The following ERMP1 variants were observed in gnomAD, a reference collection of about 807,000 sequenced individuals.
ERMP1 encodes Felix-ina.
Under a neutral mutation model 92.0 loss-of-function variants are expected in ERMP1, and 86 were observed. The ratio of observed to expected loss-of-function variants is 0.93; its 90% CI spans 0.79 to 1.12. The LOEUF (loss-of-function observed/expected upper bound fraction) is 1.12. Among genes scored for constraint, ERMP1 ranks in the 50% most tolerant of loss-of-function variants. The probability of loss-of-function intolerance (pLI) is 0.00; values close to 1 mark genes in which losing one functional copy is unlikely to be tolerated. For missense variants in ERMP1, 1,342 were observed against 1,116.3 expected, an observed-to-expected ratio of 1.20 and a Z score of -2.88; for synonymous variants, 530 against 412.8, an observed-to-expected ratio of 1.28 and a Z score of -3.44.
chr9:5,805,374 T>G (rs988966499), intron 9 of ERMP1, among the ~76,000 whole-genome samples, 157 bp from the exon 10 acceptor site: 2 of 152,122 alleles, frequency 1.3e-5, no homozygotes, highest in African/African-American at 4.8e-5. Flanking sequence ...GATCTTTCAC[T>G]CAGGATAAAA....
intron 8 of ERMP1, 78 bp downstream of exon 8, chr9:5,809,933 T>A: frequency 9.8e-7 from 1 of 1,024,634 alleles, no homozygotes; most frequent in Non-Finnish European, 1.5e-6. Flanking sequence ...AAAGGCCAAA[T>A]ACAATGAATC....
At chr9:5,848,306 G>T (rs1830263900) in intron 6 of ERMP1, among the ~76,000 whole-genome samples, 1 of 152,134 alleles carries the variant, frequency 6.6e-6, no homozygotes, top group South Asian at 2.1e-4. Flanking sequence ...ACAAGATAAT[G>T]GAGGAGGTCG....
chr9:5,860,132 A>AG (rs917020229), intron 5 of ERMP1, among the ~76,000 whole-genome samples: 2 of 19,846 alleles, frequency 1.0e-4, no homozygotes, highest in African/African-American at 1.6e-4. Flanking sequence ...CCTTGTCTCT[A>AG]CCAAAAAAAA....
intron 6 of ERMP1, chr9:5,855,949 C>T (rs35915076): frequency 0.041 from 10,746 of 262,086 alleles, 304 homozygotes; most frequent in Middle Eastern, 0.12. Context: ...CTGGCAGCAA[C>T]TGCTTCGATT....
intron 4 of ERMP1, among the ~76,000 whole-genome samples, chr9:5,813,339 ATT>A (rs1460889063): frequency 6.6e-6 from 1 of 152,148 alleles, no homozygotes; most frequent in Non-Finnish European, 1.5e-5. Context: ...TATATCTTTA[ATT>A]TTCTTACTAA....
At position 5,844,908 on chromosome 9, in the gene ERMP1, A is replaced by G. The variant is rs552501333; in HGVS notation, n.3200-11596T>C. 7.2e-5 allele frequency among the ~76,000 whole-genome samples: 11 copies of G among 152,326 alleles called. 1 individual carries two copies. In the South Asian group the frequency reaches 2.3e-3, roughly 32 times the overall value. ...CTTCCCAACTGGTCTACCAAAAATT[A>G]TGGCTGCTTTGAGCATGTCAGCCTT... On this transcript the variant is annotated intron_variant and non_coding_transcript_variant, in intron 6 of 6. Transcript: ENST00000690753.
chr9:5,810,985 C>T lies in ERMP1; in HGVS notation c.1327+126G>A, dbSNP rs367840272. On this transcript the variant is annotated intron_variant, in intron 7 of 14. Coordinates refer to ENST00000339450, the MANE Select transcript of ERMP1 (RefSeq NM_024896.3). Reference sequence around the variant, plus strand: ...TAATTTAATATTTAAAAATTTCTTACAATATAAAGCAAACATTGTCTTAAG... The same window carrying T: ...TAATTTAATATTTAAAAATTTCTTATAATATAAAGCAAACATTGTCTTAAG... 1.9e-5 allele frequency: 11 copies of T among 579,872 alleles called. No individual in the cohort carries two copies. In the African/African-American group the frequency reaches 2.1e-4, roughly 11 times the overall value. The allele number at this position is 579,872 out of a possible 1,614,324, so 35.9% of individuals were successfully genotyped here.
intron 6 of ERMP1, among the ~76,000 whole-genome samples, chr9:5,850,058 A>G (rs1057080356): frequency 1.3e-5 from 2 of 152,210 alleles, no homozygotes; most frequent in Admixed American, 6.5e-5. Context: ...TTTAAGGAAT[A>G]GGCCCAAAAG....
upstream of ERMP1, among the ~76,000 whole-genome samples, chr9:5,836,064 C>G (rs1830092995): frequency 1.3e-5 from 2 of 152,174 alleles, no homozygotes. Context: ...TTGTGTCTCC[C>G]TTTATGACAA....
In ERMP1 at chr9:5,798,995, G is replaced by A. The variant is rs1050124214; in HGVS notation, c.2081C>T (p.Thr694Ile). 8 of 1,612,804 alleles carry A rather than the reference G, an allele frequency of 5.0e-6. No homozygotes were observed. Among genetic ancestry groups the A allele is most frequent in the Middle Eastern group, 1.7e-4 (1 of 6,038 alleles). The part of the protein sequence containing the change: ...KRVFLQHMTR[T>I]FHDLEGNAVK... ...TGCATTTCCTTCCAAGTCATGGAAT[G>A]TTCTAGTCATATGCTGAAAAAAAAA... Residue 694 changes from threonine to isoleucine, a missense_variant, in exon 12 of 15, where the codon ACA becomes ATA. Coordinates refer to ENST00000339450, the MANE Select transcript of ERMP1 (RefSeq NM_024896.3).
At position 5,785,066 on chromosome 9, in the gene ERMP1, A is replaced by T. The variant is rs1827880544; in HGVS notation, c.*2078T>A. On this transcript the variant is annotated 3_prime_UTR_variant, in exon 15 of 15. Transcript: ENST00000339450. ...TTGCTTGACCATTTCTGGCATTTAAATGACCTCCCAGAATATTACACAAGC... is the reference window on the plus strand; with the variant it reads ...TTGCTTGACCATTTCTGGCATTTAATTGACCTCCCAGAATATTACACAAGC... 6.6e-6 allele frequency: 1 copy of T among 152,202 alleles called. No individual in the cohort carries two copies. Among genetic ancestry groups the T allele is most frequent in the African/African-American group, 2.4e-5 (1 of 41,448 alleles). The allele number at this position is 152,202 out of a possible 1,614,324, so 9.4% of individuals were successfully genotyped here.
intron 6 of ERMP1, among the ~76,000 whole-genome samples, chr9:5,840,760 G>A (rs1305197614): frequency 6.6e-6 from 1 of 152,236 alleles, no homozygotes; most frequent in Non-Finnish European, 1.5e-5. Flanking sequence ...TGAGGCCCTA[G>A]ATCAGGAGAC....
At chr9:5,854,525 T>A (rs1830348678) in intron 6 of ERMP1, among the ~76,000 whole-genome samples, 2 of 152,162 alleles carry the variant, frequency 1.3e-5, no homozygotes, top group South Asian at 4.1e-4. Flanking sequence ...AGTCAGTAGT[T>A]CCATATGGTC....
At chr9:5,849,734 C>T (rs947485558) in intron 6 of ERMP1, among the ~76,000 whole-genome samples, 1 of 152,208 alleles carries the variant, frequency 6.6e-6, no homozygotes, top group Non-Finnish European at 1.5e-5. Flanking sequence ...AAATAAATTA[C>T]TCTGTTCTAG....
At chr9:5,840,085 T>G (rs960072182) in intron 6 of ERMP1, among the ~76,000 whole-genome samples, 5 of 152,098 alleles carry the variant, frequency 3.3e-5, no homozygotes, top group African/African-American at 4.8e-5. Flanking sequence ...CTACTAAAAA[T>G]ACAGAAATTA....
chr9:5,820,100 A>G (rs1178941784), intron 4 of ERMP1, among the ~76,000 whole-genome samples: 1 of 152,110 alleles, frequency 6.6e-6, no homozygotes, highest in East Asian at 1.9e-4. Flanking sequence ...GGAGTTCGAG[A>G]CCAGCCTGGC....
chr9:5,838,284 A>G (rs1830117248), intron 6 of ERMP1, among the ~76,000 whole-genome samples: 2 of 152,164 alleles, frequency 1.3e-5, no homozygotes, highest in African/African-American at 4.8e-5. Flanking sequence ...GCTCATGCCT[A>G]TAACTCCAGC....
intron 5 of ERMP1, among the ~76,000 whole-genome samples, chr9:5,862,505 T>A (rs542198490): frequency 6.6e-6 from 1 of 152,182 alleles, no homozygotes; most frequent in African/African-American, 2.4e-5. Context: ...GCTAATTTTT[T>A]AATTTTTTGT....
intron 14 of ERMP1, 27 bp from the exon 15 acceptor site, chr9:5,787,335 CA>C: frequency 1.9e-6 from 3 of 1,607,018 alleles, no homozygotes; most frequent in Non-Finnish European, 2.5e-6. Context: ...ATTAGTTCTC[CA>C]GTTCTCAGAA....
Sources: gnomAD v4.1 joint callset for allele counts (sites outside exome capture counted in the v4.1 genomes callset) on GRCh38, gnomAD v4.1.1 for gene constraint, MANE v1.5 for transcripts, NCBI Gene and HGNC (gene_info 2026-07-23, HGNC 2026-07-21) for gene names.